The following NBAS variants were observed in gnomAD, a reference collection of about 807,000 sequenced individuals.
NBAS encodes NBAS subunit of NRZ tethering complex.
Under a neutral mutation model 302.5 loss-of-function variants are expected in NBAS, and 219 were observed. The ratio of observed to expected loss-of-function variants is 0.72; its 90% CI spans 0.65 to 0.81. The LOEUF (loss-of-function observed/expected upper bound fraction) is 0.81. Among genes scored for constraint, NBAS ranks in the 30% least tolerant of loss-of-function variants. NBAS has a pLI of 0.00. For synonymous variants in NBAS, 1,118 were observed against 1,021.6 expected, an observed-to-expected ratio of 1.09 and a Z score of -1.80; for missense variants, 2,932 against 2,841.6, an observed-to-expected ratio of 1.03 and a Z score of -0.72.
chr2:14,924,302 T>G, the NBAS span, among the ~76,000 whole-genome samples: 2 of 152,194 alleles, frequency 1.3e-5, no homozygotes, highest in Non-Finnish European at 2.9e-5. Context: ...AAAAATATAT[T>G]CAGGAATATG....
chr2:15,135,229 G>A, the NBAS span, among the ~76,000 whole-genome samples: 1 of 152,178 alleles, frequency 6.6e-6, no homozygotes, highest in Non-Finnish European at 1.5e-5. Flanking sequence ...AGGTGGCCTG[G>A]GGGGAGGCTG....
chr2:15,235,985 G>C (rs1667574497), intron 45 of NBAS, among the ~76,000 whole-genome samples: 6 of 152,102 alleles, frequency 3.9e-5, no homozygotes, highest in Admixed American at 3.9e-4. Context: ...TTTGTACTGG[G>C]TATATAATTA....
chr2:14,967,344 T>C, the NBAS span, among the ~76,000 whole-genome samples: 4 of 152,092 alleles, frequency 2.6e-5, no homozygotes, highest in African/African-American at 9.7e-5. Context: ...TAAACAACTT[T>C]GAAAAAGAGC....
the NBAS span, among the ~76,000 whole-genome samples, chr2:14,848,127 C>G: frequency 2.0e-5 from 3 of 151,872 alleles, no homozygotes; most frequent in Non-Finnish European, 4.4e-5. Flanking sequence ...GCGTGAGCGA[C>G]GCAGAAGACG....
chr2:15,435,371 CTATT>C (rs1360378471), intron 21 of NBAS, among the ~76,000 whole-genome samples: 1 of 152,192 alleles, frequency 6.6e-6, no homozygotes, highest in Non-Finnish European at 1.5e-5. Context: ...ATTTCACACA[CTATT>C]TATATAACCA....
intron 25 of NBAS, among the ~76,000 whole-genome samples, chr2:15,405,220 C>G (rs963743538): frequency 1.3e-5 from 2 of 152,152 alleles, no homozygotes; most frequent in South Asian, 4.1e-4. Flanking sequence ...GTTGCTAGTC[C>G]AGTGAATAAG....
the NBAS span, among the ~76,000 whole-genome samples, chr2:14,936,729 C>T: frequency 6.6e-6 from 1 of 152,070 alleles, no homozygotes; most frequent in Non-Finnish European, 1.5e-5. Context: ...GCTGGAGATA[C>T]GTGCTGGAAA....
chr2:15,267,141 T>A (rs1669113911), intron 44 of NBAS, among the ~76,000 whole-genome samples: 1 of 152,242 alleles, frequency 6.6e-6, no homozygotes. Flanking sequence ...CATTTATTAA[T>A]ATACTTAAAT....
chr2:15,496,766 C>T (rs1681089480), intron 11 of NBAS, among the ~76,000 whole-genome samples: 1 of 152,170 alleles, frequency 6.6e-6, no homozygotes, highest in South Asian at 2.1e-4. Flanking sequence ...CTATTCCAGG[C>T]ACTTTTCTAG....
chr2:15,258,106 G>A (rs1279813144), intron 44 of NBAS, among the ~76,000 whole-genome samples: 2 of 152,208 alleles, frequency 1.3e-5, no homozygotes, highest in African/African-American at 4.8e-5. Context: ...AGCCGTGGCA[G>A]AGGAACATAA....
At chr2:15,231,076 C>T (rs1165405650) in intron 47 of NBAS, among the ~76,000 whole-genome samples, 2 of 152,220 alleles carry the variant, frequency 1.3e-5, no homozygotes, top group African/African-American at 2.4e-5. Flanking sequence ...AGATCGTCTC[C>T]CGCGCAAGAC....
the NBAS span, among the ~76,000 whole-genome samples, chr2:15,088,915 A>G: frequency 6.6e-6 from 1 of 152,218 alleles, no homozygotes; most frequent in Non-Finnish European, 1.5e-5. Flanking sequence ...TGTAATTCAG[A>G]CAGGGCTGTC....
chr2:15,479,605 C>T lies in NBAS; in HGVS notation c.1084-1316G>A, dbSNP rs1464547208. On this transcript the variant is annotated intron_variant, in intron 12 of 51. Transcript: ENST00000281513. The stretch of plus-strand genomic sequence containing the variant: ...ACATACAGATCAAAATGAAATTTGA[C>T]AAGAAATCTTAAGGAAATTTTAAAA... Among the ~76,000 whole-genome samples, 6 of 152,268 alleles carry T rather than the reference C, an allele frequency of 3.9e-5. No individual in the cohort carries two copies. The South Asian group carries it at 1.2e-3, about 32-fold the overall frequency.
chr2:15,409,748 T>G (rs1165893730), intron 25 of NBAS, among the ~76,000 whole-genome samples: 1 of 152,196 alleles, frequency 6.6e-6, no homozygotes, highest in East Asian at 1.9e-4. Context: ...AGAGGGGAAG[T>G]GGAGCAAGGC....
At chr2:14,832,997 C>T in the NBAS span, among the ~76,000 whole-genome samples, 120 of 152,224 alleles carry the variant, frequency 7.9e-4, no homozygotes, top group Non-Finnish European at 1.4e-3. Context: ...CAGAAGGTTG[C>T]CCAAGGTCCC....
chr2:15,161,527 G>A, the NBAS span, among the ~76,000 whole-genome samples: 365 of 152,262 alleles, frequency 2.4e-3, 1 homozygote, highest in African/African-American at 8.3e-3. Flanking sequence ...CTGCTGAGGA[G>A]AACTTCAAGT....
chr2:14,921,510 A>C, the NBAS span, among the ~76,000 whole-genome samples: 1 of 152,210 alleles, frequency 6.6e-6, no homozygotes, highest in Non-Finnish European at 1.5e-5. Context: ...ATTAAACTTA[A>C]AAATAAATGT....
At chr2:14,950,143 T>C in the NBAS span, among the ~76,000 whole-genome samples, 1 of 152,144 alleles carries the variant, frequency 6.6e-6, no homozygotes, top group African/African-American at 2.4e-5. Flanking sequence ...CCATATATGT[T>C]GTCTTTTATC....
At chr2:15,150,584 T>C in the NBAS span, among the ~76,000 whole-genome samples, 1 of 152,226 alleles carries the variant, frequency 6.6e-6, no homozygotes, top group African/African-American at 2.4e-5. Flanking sequence ...CCTGAGTCCT[T>C]AAAGCTTCCA....
Sources: gnomAD v4.1 joint callset for allele counts (sites outside exome capture counted in the v4.1 genomes callset) on GRCh38, gnomAD v4.1.1 for gene constraint, MANE v1.5 for transcripts, NCBI Gene and HGNC (gene_info 2026-07-23, HGNC 2026-07-21) for gene names.